The following CADM1 variants were observed in gnomAD, a reference collection of about 807,000 sequenced individuals.
CADM1 encodes the protein TSLC-1.
CADM1 carries 15 observed loss-of-function variants against 53.1 expected under a neutral mutation model. The ratio of observed to expected loss-of-function variants is 0.28; its 90% CI spans 0.19 to 0.44. CADM1 has a LOEUF of 0.44. Ranked by LOEUF, CADM1 falls within the 20% of genes least tolerant of loss-of-function variation. The probability of loss-of-function intolerance (pLI) is 1.00; values close to 1 mark genes in which losing one functional copy is unlikely to be tolerated. For missense variants in CADM1, 434 were observed against 611.3 expected (o/e 0.71, Z 3.06); for synonymous variants, 281 against 243.0 (o/e 1.16, Z -1.45).
At chr11:115,335,604 ACTT>A (rs1178463977) in intron 1 of CADM1, among the ~76,000 whole-genome samples, 2 of 152,152 alleles carry the variant, frequency 1.3e-5, no homozygotes, top group African/African-American at 2.4e-5. Context: ...ACATCAAAGA[ACTT>A]CTCATACTCT....
At chr11:115,255,371 A>G (rs907126309) in intron 1 of CADM1, among the ~76,000 whole-genome samples, 1 of 152,204 alleles carries the variant, frequency 6.6e-6, no homozygotes, top group African/African-American at 2.4e-5. Context: ...TTTGCTATGC[A>G]GTGTTGTTGA....
chr11:115,484,339 G>T lies in CADM1; in HGVS notation c.124+19932C>A, dbSNP rs1326248168. Reference sequence around the variant, plus strand: ...TGACCTAGATTCTTCCTGCCATCCGGAAAGTGCTCCCTGTGCTACACTAGG... The same window carrying T: ...TGACCTAGATTCTTCCTGCCATCCGTAAAGTGCTCCCTGTGCTACACTAGG... On this transcript the variant is annotated intron_variant, in intron 1 of 11. Coordinates refer to ENST00000331581, the MANE Select transcript of CADM1 (RefSeq NM_001301043.2). Among the ~76,000 whole-genome samples, 3 of 152,118 alleles carry T rather than the reference G, an allele frequency of 2.0e-5. No homozygotes were observed. The East Asian group carries it at 5.8e-4, about 29-fold the overall frequency.
chr11:115,453,382 A>T (rs926124703), intron 1 of CADM1, among the ~76,000 whole-genome samples: 4 of 135,088 alleles, frequency 3.0e-5, no homozygotes, highest in African/African-American at 1.0e-4. Context: ...GCCCCCAAAA[A>T]AAACCAAAAA....
intron 8 of CADM1, among the ~76,000 whole-genome samples, chr11:115,204,408 G>A (rs1287206739): frequency 2.0e-5 from 3 of 152,130 alleles, no homozygotes; most frequent in Admixed American, 6.5e-5. Flanking sequence ...ACCTGTTCTC[G>A]CAACCACATG....
At chr11:115,195,003 A>G (rs1251013632) in intron 9 of CADM1, among the ~76,000 whole-genome samples, 1 of 152,206 alleles carries the variant, frequency 6.6e-6, no homozygotes, top group Non-Finnish European at 1.5e-5. Context: ...TGTTTTTTGC[A>G]TTGCTCAACA....
At chr11:115,454,061 AAAAC>A (rs1948634559) in intron 1 of CADM1, among the ~76,000 whole-genome samples, 3 of 151,812 alleles carry the variant, frequency 2.0e-5, no homozygotes, top group Admixed American at 1.3e-4. Context: ...AAAAAAAAAT[AAAAC>A]AAAACAAAAA....
chr11:115,437,910 A>G (rs1190009256), intron 1 of CADM1, among the ~76,000 whole-genome samples: 2 of 152,192 alleles, frequency 1.3e-5, no homozygotes, highest in Non-Finnish European at 2.9e-5. Flanking sequence ...TGTAATAGAG[A>G]AAGAACTACA....
intron 1 of CADM1, chr11:115,397,708 T>A (rs1324773436): frequency 3.3e-4 from 1 of 3,006 alleles, no homozygotes; most frequent in East Asian, 8.9e-3. Flanking sequence ...AATAGAGACA[T>A]TGTACTCTAT....
intron 1 of CADM1, among the ~76,000 whole-genome samples, chr11:115,284,114 C>CTCTG (rs1351842329): frequency 1.1e-3 from 106 of 98,692 alleles, no homozygotes; most frequent in African/African-American, 3.6e-3. Flanking sequence ...CTCTCTCTCT[C>CTCTG]TGTGTGTGTG....
chr11:115,186,680 T>C (rs1939570111), intron 10 of CADM1, among the ~76,000 whole-genome samples: 1 of 152,170 alleles, frequency 6.6e-6, no homozygotes, highest in African/African-American at 2.4e-5. Flanking sequence ...TCAGGAGATT[T>C]TCATGAAAAT....
chr11:115,283,832 G>C (rs996386968), intron 1 of CADM1, among the ~76,000 whole-genome samples: 5 of 152,168 alleles, frequency 3.3e-5, no homozygotes, highest in Non-Finnish European at 7.4e-5. Flanking sequence ...CTGCTGTAAA[G>C]GCCTGGCCTT....
chr11:115,487,301 G>A (rs1362790681), intron 1 of CADM1, among the ~76,000 whole-genome samples: 4 of 152,050 alleles, frequency 2.6e-5, no homozygotes, highest in African/African-American at 9.7e-5. Context: ...ATTTAACTTC[G>A]ATCAGTTATT....
At chr11:115,200,674 T>C (rs1268257278) in intron 8 of CADM1, among the ~76,000 whole-genome samples, 7 of 152,208 alleles carry the variant, frequency 4.6e-5, no homozygotes, top group Admixed American at 2.6e-4. Flanking sequence ...TTTGTATTTT[T>C]AGTGGAGACG....
At chr11:115,314,166 C>CA (rs1555062685) in intron 1 of CADM1, among the ~76,000 whole-genome samples, 3 of 152,026 alleles carry the variant, frequency 2.0e-5, no homozygotes, top group Non-Finnish European at 4.4e-5. Context: ...CCACTATGCT[C>CA]GTATTAGCAG....
chr11:115,292,096 C>T (rs1214441245), intron 1 of CADM1, among the ~76,000 whole-genome samples: 2 of 152,134 alleles, frequency 1.3e-5, no homozygotes, highest in African/African-American at 4.8e-5. Context: ...ACTGAAACAA[C>T]AGCTGGAGGG....
intron 1 of CADM1, among the ~76,000 whole-genome samples, chr11:115,344,728 A>G (rs1293107642): frequency 6.6e-6 from 1 of 151,964 alleles, no homozygotes; most frequent in African/African-American, 2.4e-5. Flanking sequence ...CATTTCTCAT[A>G]CCCTGACTAG....
chr11:115,204,754 A>ATATTCTATACATATCAC (rs1940599475), intron 8 of CADM1, among the ~76,000 whole-genome samples: 1 of 152,232 alleles, frequency 6.6e-6, no homozygotes, highest in African/African-American at 2.4e-5. Context: ...TCACTGAAGG[A>ATATTCTATACATATCAC]TAAAGGCTAT....
intron 2 of CADM1, among the ~76,000 whole-genome samples, chr11:115,239,673 G>A (rs1337304596): frequency 4.0e-5 from 6 of 150,858 alleles, no homozygotes; most frequent in Admixed American, 1.3e-4. Context: ...GACATGCTTC[G>A]CTTTGGTTAG....
At position 115,171,245 on chromosome 11, in the gene CADM1, T is replaced by C. The variant is rs1478687487; in HGVS notation, c.*5229A>G. ...TCCTGGCAAAAAGGTGTATTAATCT[T>C]GGGCATGATTTTATAATAAAACAAA... On this transcript the variant is annotated 3_prime_UTR_variant, in exon 12 of 12. Transcript: ENST00000331581. 1 of 152,212 alleles carries C rather than the reference T, an allele frequency of 6.6e-6. No homozygotes were observed. The highest frequency in any genetic ancestry group is 1.9e-4 in the East Asian group (1 of 5,198). 9.4% of individuals were successfully genotyped at this position (152,212 alleles called of 1,614,324 possible). A position where few individuals can be genotyped will look rare whatever the true frequency, so the allele number is the denominator to read the frequency against.
Sources: gnomAD v4.1 joint callset for allele counts (sites outside exome capture counted in the v4.1 genomes callset) on GRCh38, gnomAD v4.1.1 for gene constraint, MANE v1.5 for transcripts, NCBI Gene and HGNC (gene_info 2026-07-23, HGNC 2026-07-21) for gene names.